The following ERN1 variants were observed in gnomAD, a reference collection of about 807,000 sequenced individuals.
The protein encoded by ERN1 is endoplasmic reticulum to nucleus signaling 1.
ERN1 carries 39 observed loss-of-function variants against 113.1 expected under a neutral mutation model. The ratio of observed to expected loss-of-function variants is 0.34; its 90% CI spans 0.27 to 0.45. The LOEUF (loss-of-function observed/expected upper bound fraction) is 0.45, where lower values mean the gene tolerates loss of function less well. Among genes scored for constraint, ERN1 ranks in the 20% least tolerant of loss-of-function variants. ERN1 has a pLI of 1.00. For synonymous variants in ERN1, 507 were observed against 515.9 expected, an observed-to-expected ratio of 0.98 and a Z score of 0.23; for missense variants, 976 against 1,274.8, an observed-to-expected ratio of 0.77 and a Z score of 3.57.
intron 2 of ERN1, among the ~76,000 whole-genome samples, chr17:64,089,732 A>C (rs554514829): frequency 6.6e-6 from 1 of 152,168 alleles, no homozygotes; most frequent in East Asian, 1.9e-4. Context: ...AGGAGGGAAA[A>C]GAGTGTCAGC....
At chr17:64,060,363 C>A (rs1913014352) in intron 11 of ERN1, 106 bp downstream of exon 11, 6 of 743,674 alleles carry the variant, frequency 8.1e-6, no homozygotes, top group South Asian at 7.9e-5. Flanking sequence ...CATTCCTCTT[C>A]CCTCCCAGAC....
intron 1 of ERN1, chr17:64,129,042 T>G (rs1025331490): frequency 6.6e-6 from 1 of 151,952 alleles, no homozygotes; most frequent in South Asian, 2.1e-4. Context: ...TTTGCCACGC[T>G]CACATCCTGA....
chr17:64,054,643 G>C lies in ERN1; in HGVS notation c.1763+95C>G. ...CTCCATGCGTCTAGGTCACTGCTTTGACCCTGCTGTGCTCTGAGCCTGGCA... is the reference window on the plus strand; with the variant it reads ...CTCCATGCGTCTAGGTCACTGCTTTCACCCTGCTGTGCTCTGAGCCTGGCA... On this transcript the variant is annotated intron_variant, in intron 14 of 21. Transcript: ENST00000433197. The surrounding 1 kb of genome is among the most constrained non-coding windows in gnomAD (Gnocchi z 4.9). 3 of 1,093,122 alleles carry C rather than the reference G, an allele frequency of 2.7e-6. No homozygotes were observed. Among genetic ancestry groups the C allele is most frequent in the Non-Finnish European group, 4.0e-6 (3 of 754,756 alleles). 67.7% of individuals were successfully genotyped at this position (1,093,122 alleles called of 1,614,324 possible). A position where few individuals can be genotyped will look rare whatever the true frequency, so the allele number is the denominator to read the frequency against.
chr17:64,122,881 C>T (rs1310966066), intron 1 of ERN1, among the ~76,000 whole-genome samples: 1 of 152,034 alleles, frequency 6.6e-6, no homozygotes. Flanking sequence ...TTTTTTAAGA[C>T]TGATTTCAAT....
intron 13 of ERN1, among the ~76,000 whole-genome samples, chr17:64,055,120 C>T (rs1024423191): frequency 6.6e-6 from 1 of 152,248 alleles, no homozygotes; most frequent in Non-Finnish European, 1.5e-5. Flanking sequence ...CACACTTATA[C>T]ATATTCATTG....
At chr17:64,114,629 T>C (rs951206048) in intron 1 of ERN1, among the ~76,000 whole-genome samples, 38 of 152,266 alleles carry the variant, frequency 2.5e-4, no homozygotes, top group African/African-American at 8.9e-4. Flanking sequence ...TCAGAATCTT[T>C]TTTTTACGTG....
rs35591377 is a variant in ERN1 at position 64,053,631 on chromosome 17, A to G, written c.1954-260T>C. 5.9e-5 allele frequency among the ~76,000 whole-genome samples: 9 copies of G among 152,340 alleles called. No individual in the cohort carries two copies. The East Asian group carries it at 1.7e-3, about 29-fold the overall frequency. On this transcript the variant is annotated intron_variant, in intron 15 of 21. Coordinates refer to ENST00000433197, the MANE Select transcript of ERN1 (RefSeq NM_001433.5). ...ATCCAAATGATACTGATATGGTTTC[A>G]AAGTGAGCCTGGAAAATGAGCAAAA...
intron 6 of ERN1, among the ~76,000 whole-genome samples, chr17:64,071,431 G>C (rs1913412335): frequency 6.6e-6 from 1 of 150,752 alleles, no homozygotes; most frequent in African/African-American, 2.4e-5. Flanking sequence ...TTTTTTTTTG[G>C]GCAGGGGGGA....
intron 1 of ERN1, among the ~76,000 whole-genome samples, chr17:64,106,469 C>T (rs1914529255): frequency 6.6e-6 from 1 of 152,032 alleles, no homozygotes; most frequent in Non-Finnish European, 1.5e-5. Flanking sequence ...GGGGAATGTG[C>T]CTATGCCAAA....
At chr17:64,098,003 C>T in intron 2 of ERN1, 118 bp downstream of exon 2, 1 of 1,330,814 alleles carries the variant, frequency 7.5e-7, no homozygotes, top group Admixed American at 2.1e-5. Context: ...TCCCATTCTT[C>T]TTTATTTCTT....
intron 2 of ERN1, among the ~76,000 whole-genome samples, chr17:64,083,260 G>A (rs888879856): frequency 2.0e-4 from 31 of 151,770 alleles, no homozygotes; most frequent in Non-Finnish European, 4.4e-4. Flanking sequence ...TATTAAAAAA[G>A]GTTAAAGAGA....
intron 4 of ERN1, 89 bp downstream of exon 4, chr17:64,079,573 T>C (rs196947): frequency 0.99 from 1,029,508 of 1,034,862 alleles, 512,291 homozygotes; most frequent in East Asian, 1. Flanking sequence ...AAGCTCCAGG[T>C]GGGAGACACA....
At chr17:64,088,671 G>A (rs1914001367) in intron 2 of ERN1, among the ~76,000 whole-genome samples, 2 of 152,166 alleles carry the variant, frequency 1.3e-5, no homozygotes, top group Non-Finnish European at 2.9e-5. Context: ...GGATAAAGAA[G>A]GGAGCTTATG....
At chr17:64,123,152 A>G (rs1350235771) in intron 1 of ERN1, among the ~76,000 whole-genome samples, 1 of 152,184 alleles carries the variant, frequency 6.6e-6, no homozygotes, top group East Asian at 1.9e-4. Context: ...GGGACAATCA[A>G]TGTATCAACT....
At chr17:64,077,526 CGTG>C (rs1913630593) in intron 4 of ERN1, among the ~76,000 whole-genome samples, 2 of 152,094 alleles carry the variant, frequency 1.3e-5, no homozygotes, top group Non-Finnish European at 2.9e-5. Context: ...TGAATGGCAG[CGTG>C]TGGCCTTTTT....
At chr17:64,048,862 A>C (rs1171166912) in intron 18 of ERN1, among the ~76,000 whole-genome samples, 193 bp downstream of exon 18, 1 of 152,180 alleles carries the variant, frequency 6.6e-6, no homozygotes, top group Non-Finnish European at 1.5e-5. Context: ...CAGCTTTAGA[A>C]GGTGGCGCCC....
intron 1 of ERN1, among the ~76,000 whole-genome samples, chr17:64,104,693 C>T (rs1914475623): frequency 6.6e-6 from 1 of 152,078 alleles, no homozygotes; most frequent in African/African-American, 2.4e-5. Flanking sequence ...GTGGTGCACA[C>T]CTGTAATCCC....
chr17:64,123,721 A>G (rs528507093), intron 1 of ERN1, among the ~76,000 whole-genome samples: 15 of 152,336 alleles, frequency 9.8e-5, no homozygotes, highest in African/African-American at 3.6e-4. Flanking sequence ...GTTTAGCAAC[A>G]AGAAAGTTCA....
intron 10 of ERN1, among the ~76,000 whole-genome samples, chr17:64,062,368 A>G (rs1201684782): frequency 6.6e-6 from 1 of 152,250 alleles, no homozygotes; most frequent in Admixed American, 6.5e-5. Flanking sequence ...ATGAAAGGAC[A>G]TATCTGGACA....
Sources: gnomAD v4.1 joint callset for allele counts (sites outside exome capture counted in the v4.1 genomes callset) on GRCh38, gnomAD v4.1.1 for gene constraint, Gnocchi (gnomAD v3.1) non-coding constraint, MANE v1.5 for transcripts, NCBI Gene and HGNC (gene_info 2026-07-23, HGNC 2026-07-21) for gene names.